FARP1: variants seen among roughly 807,000 people sequenced by gnomAD.
FARP1 encodes FERM, ARHGEF and pleckstrin domain-containing protein 1.
A neutral mutation model predicts 128.8 loss-of-function variants in FARP1; 52 were observed. The observed-to-expected ratio is 0.40, with a 90% CI of 0.32 to 0.51. The LOEUF is 0.51. Ranked by LOEUF, FARP1 falls within the 20% of genes least tolerant of loss-of-function variation. FARP1 has a pLI of 0.45. For missense variants in FARP1, 1,333 were observed against 1,367.9 expected, an observed-to-expected ratio of 0.97 and a Z score of 0.40; for synonymous variants, 580 against 551.8, an observed-to-expected ratio of 1.05 and a Z score of -0.72.
chr13:98,284,466 A>G (rs376243673), intron 2 of FARP1, among the ~76,000 whole-genome samples: 24 of 152,210 alleles, frequency 1.6e-4, no homozygotes, highest in Admixed American at 5.2e-4. Context: ...TGTTCCCCCA[A>G]CCCGAGAGCT....
intron 2 of FARP1, among the ~76,000 whole-genome samples, chr13:98,275,418 AG>A (rs959797351): frequency 6.0e-5 from 9 of 151,162 alleles, no homozygotes; most frequent in African/African-American, 1.9e-4. Flanking sequence ...TAGGTGAAAC[AG>A]GATTGGCCAT....
chr13:98,322,096 G>A (rs929759961), intron 2 of FARP1, among the ~76,000 whole-genome samples: 114 of 152,300 alleles, frequency 7.5e-4, no homozygotes, highest in Non-Finnish European at 1.4e-3. Context: ...TCAGGAATTC[G>A]AGACCAGCCT....
intron 1 of FARP1, among the ~76,000 whole-genome samples, chr13:98,167,428 C>G (rs1197822117): frequency 1.9e-5 from 2 of 104,272 alleles, no homozygotes; most frequent in South Asian, 3.1e-4. Context: ...TTTTTGGAAA[C>G]AGTCTCACTC....
chr13:98,312,148 T>TTTTTTTTC (rs1382897989), intron 2 of FARP1, among the ~76,000 whole-genome samples: 1 of 133,572 alleles, frequency 7.5e-6, no homozygotes, highest in Non-Finnish European at 1.6e-5. Context: ...TTTTTTTTTT[T>TTTTTTTTC]TTTTTTCTTT....
chr13:98,183,675 C>T (rs1878676463), intron 1 of FARP1, among the ~76,000 whole-genome samples: 1 of 152,164 alleles, frequency 6.6e-6, no homozygotes, highest in Admixed American at 6.5e-5. Context: ...TCAGTGGTCG[C>T]TCATCTTTGA....
At chr13:98,195,610 T>C (rs1471198629) in intron 1 of FARP1, among the ~76,000 whole-genome samples, 1 of 152,190 alleles carries the variant, frequency 6.6e-6, no homozygotes, top group Non-Finnish European at 1.5e-5. Flanking sequence ...ATAGTGCCTT[T>C]CTTTTGTGGG....
chr13:98,232,819 T>TA (rs1882207464), intron 2 of FARP1, among the ~76,000 whole-genome samples: 1 of 152,260 alleles, frequency 6.6e-6, no homozygotes, highest in African/African-American at 2.4e-5. Context: ...AAACTTCATA[T>TA]TGAGTGAATG....
intron 2 of FARP1, among the ~76,000 whole-genome samples, chr13:98,265,912 G>C (rs914964259): frequency 6.6e-6 from 1 of 152,054 alleles, no homozygotes; most frequent in African/African-American, 2.4e-5. Flanking sequence ...TGGTACGCTG[G>C]GACTAGTTGA....
intron 3 of FARP1, among the ~76,000 whole-genome samples, chr13:98,363,686 A>G (rs1309425901): frequency 6.6e-6 from 1 of 152,202 alleles, no homozygotes; most frequent in Non-Finnish European, 1.5e-5. Flanking sequence ...TTGCCCTGCC[A>G]TGGAAATCTC....
At chr13:98,165,564 C>T (rs9513368) in intron 1 of FARP1, among the ~76,000 whole-genome samples, 36,732 of 151,254 alleles carry the variant, frequency 0.24, 4,628 homozygotes, top group Middle Eastern at 0.34. Context: ...TGAAAATTTA[C>T]AGGGGAAAGT....
At chr13:98,243,836 T>A (rs1408868555) in intron 2 of FARP1, among the ~76,000 whole-genome samples, 3 of 152,150 alleles carry the variant, frequency 2.0e-5, no homozygotes, top group African/African-American at 7.2e-5. Flanking sequence ...TAAAGTTCAA[T>A]TCACTGTTGA....
intron 2 of FARP1, among the ~76,000 whole-genome samples, chr13:98,222,478 G>A (rs2139366883): frequency 6.6e-6 from 1 of 152,260 alleles, no homozygotes; most frequent in African/African-American, 2.4e-5. Context: ...CTGGAGAGAA[G>A]GAGCTGGAGT....
intron 2 of FARP1, among the ~76,000 whole-genome samples, chr13:98,248,769 C>CT (rs1883190404): frequency 6.6e-6 from 1 of 151,730 alleles, no homozygotes; most frequent in Non-Finnish European, 1.5e-5. Context: ...AAACAGGTGC[C>CT]TTTTTGATGA....
intron 13 of FARP1, chr13:98,404,663 T>C (rs1356810752): frequency 2.0e-5 from 3 of 152,218 alleles, no homozygotes; most frequent in Non-Finnish European, 4.4e-5. Context: ...GAAAATCTCC[T>C]ATGTTTTAGA....
At chr13:98,346,416 C>T (rs1888181038) in intron 3 of FARP1, among the ~76,000 whole-genome samples, 1 of 151,090 alleles carries the variant, frequency 6.6e-6, no homozygotes. Flanking sequence ...TCTCGAACTC[C>T]TGACCTCAGG....
intron 1 of FARP1, among the ~76,000 whole-genome samples, chr13:98,147,810 T>G (rs972437354): frequency 1.6e-4 from 21 of 127,296 alleles, no homozygotes; most frequent in African/African-American, 6.0e-4. Context: ...ACACATGCCA[T>G]CACGCCCAGC....
chr13:98,365,322 A>T, intron 3 of FARP1, 73 bp from the exon 4 acceptor site: 1 of 1,216,990 alleles, frequency 8.2e-7, no homozygotes, highest in Non-Finnish European at 1.2e-6. Context: ...AAACAGCTTT[A>T]AACAAAATCT....
intron 2 of FARP1, among the ~76,000 whole-genome samples, chr13:98,273,440 G>A (rs1296299450): frequency 6.6e-6 from 1 of 152,138 alleles, no homozygotes; most frequent in Non-Finnish European, 1.5e-5. Flanking sequence ...CAAAAGGGAG[G>A]GGATGTAACG....
intron 2 of FARP1, among the ~76,000 whole-genome samples, chr13:98,277,148 A>ACACACCCACC (rs372627844): frequency 3.6e-5 from 5 of 138,580 alleles, no homozygotes; most frequent in Non-Finnish European, 7.9e-5. Context: ...ACACACACAC[A>ACACACCCACC]CCCCATATGT....
Sources: allele counts gnomAD v4.1 joint callset (sites outside exome capture counted in the v4.1 genomes callset), GRCh38; gene constraint gnomAD v4.1.1; transcripts MANE v1.5; gene names NCBI Gene and HGNC (gene_info 2026-07-23, HGNC 2026-07-21).